Variants in NDUFS6 observed in about 807,000 individuals in gnomAD.
NDUFS6 encodes NADH dehydrogenase [ubiquinone] iron-sulfur protein 6, mitochondrial.
NDUFS6 carries 14 observed loss-of-function variants against 13.2 expected under a neutral mutation model. The observed-to-expected ratio is 1.06, with a 90% CI of 0.70 to 1.66. The LOEUF (loss-of-function observed/expected upper bound fraction) is 1.66, where lower values mean the gene tolerates loss of function less well. NDUFS6 is among the 40% of genes most tolerant of loss of function. The pLI is 0.00. For missense variants in NDUFS6, 206 were observed against 170.8 expected, an observed-to-expected ratio of 1.21 and a Z score of -1.15; for synonymous variants, 95 against 72.3, an observed-to-expected ratio of 1.31 and a Z score of -1.60.
intron 2 of NDUFS6, among the ~76,000 whole-genome samples, chr5:1,805,535 C>T (rs555891103): frequency 1.3e-4 from 20 of 152,140 alleles, no homozygotes; most frequent in Non-Finnish European, 2.1e-4. Context: ...AGACTCCTCA[C>T]GTGCTAAAGA....
chr5:1,807,776 G>A (rs550325089), intron 2 of NDUFS6, among the ~76,000 whole-genome samples: 1 of 152,364 alleles, frequency 6.6e-6, no homozygotes, highest in South Asian at 2.1e-4. Flanking sequence ...AACCATGTTG[G>A]CTCTCGTGCG....
intron 1 of NDUFS6, chr5:1,802,108 T>G: frequency 1.7e-6 from 1 of 572,494 alleles, no homozygotes; most frequent in Non-Finnish European, 3.1e-6. Flanking sequence ...TATGTCTCTG[T>G]GCTGCTCTCT....
chr5:1,812,648 A>G (rs533449046), intron 2 of NDUFS6, among the ~76,000 whole-genome samples: 3 of 151,002 alleles, frequency 2.0e-5, no homozygotes, highest in African/African-American at 7.3e-5. Flanking sequence ...TCATTTTTGA[A>G]AGAATCCAGT....
chr5:1,801,699 A>G, intron 1 of NDUFS6, 150 bp downstream of exon 1: 1 of 1,260,616 alleles, frequency 7.9e-7, no homozygotes, highest in Non-Finnish European at 1.1e-6. Context: ...GCCGGGGAGG[A>G]CGCCCGCGAG....
chr5:1,814,970 G>C lies in NDUFS6; in HGVS notation c.309+509G>C, dbSNP rs546394798. 6.6e-6 allele frequency among the ~76,000 whole-genome samples: 1 copy of C among 152,094 alleles called. No homozygotes were observed. Among genetic ancestry groups the C allele is most frequent in the Non-Finnish European group, 1.5e-5 (1 of 68,006 alleles). ...TCCCCTCTTCTTATAAGGGCACCAG[G>C]CAGATTGGCTCAGGGCCCCTATGTG... On this transcript the variant is annotated intron_variant, in intron 3 of 3. Coordinates refer to ENST00000274137, the MANE Select transcript of NDUFS6 (RefSeq NM_004553.6). This position sits in a 1 kb window ranked among gnomAD's most constrained non-coding sequence, Gnocchi z 4.9.
In NDUFS6 at chr5:1,814,495, C is replaced by G. The variant is rs1336274645; in HGVS notation, c.309+34C>G. 6.2e-7 allele frequency: 1 copy of G among 1,614,048 alleles called. No homozygotes were observed. The highest frequency in any genetic ancestry group is 1.7e-5 in the Admixed American group (1 of 60,014). ...CTGGCCACCTGTGCACATGTTAGGG[C>G]AGCCTGCTCGTCCTCATACTCCCCT... On this transcript the variant is annotated intron_variant, in intron 3 of 3. Transcript: ENST00000274137. This position sits in a 1 kb window ranked among gnomAD's most constrained non-coding sequence, Gnocchi z 4.9.
rs530641191 is a variant in NDUFS6, at chr5:1,814,949, C to T, written c.309+488C>T. 3.5e-3 allele frequency among the ~76,000 whole-genome samples: 537 copies of T among 152,284 alleles called. 1 individual carries two copies. Among genetic ancestry groups the T allele is most frequent in the Non-Finnish European group, 6.1e-3 (414 of 68,034 alleles). On this transcript the variant is annotated intron_variant, in intron 3 of 3. Transcript: ENST00000274137. This position sits in a 1 kb window ranked among gnomAD's most constrained non-coding sequence, Gnocchi z 4.9. ...CCCTCTGTGGGAGACTCCTCATCCC[C>T]TCTTCTTATAAGGGCACCAGGCAGA...
intron 2 of NDUFS6, among the ~76,000 whole-genome samples, chr5:1,811,356 A>G (rs532242473): frequency 3.9e-5 from 6 of 152,314 alleles, no homozygotes; most frequent in African/African-American, 1.4e-4. Flanking sequence ...ACAGGGAAGT[A>G]AAAAAAAAAC....
At position 1,807,679 on chromosome 5, in the gene NDUFS6, C is replaced by T. The variant is rs528028021; in HGVS notation, c.186+5305C>T. On this transcript the variant is annotated intron_variant, in intron 2 of 3. Transcript: ENST00000274137. Reference sequence around the variant, plus strand: ...AACTTGTGTTATCACCCAGGACAAGCGCACTCCTCGGATCAGCAGTGGAAG... The same window carrying T: ...AACTTGTGTTATCACCCAGGACAAGTGCACTCCTCGGATCAGCAGTGGAAG... 3.0e-4 allele frequency among the ~76,000 whole-genome samples: 45 copies of T among 152,328 alleles called. 1 individual carries two copies. In the South Asian group the frequency reaches 6.8e-3, roughly 23 times the overall value.
chr5:1,812,623 T>G (rs979240111), intron 2 of NDUFS6, among the ~76,000 whole-genome samples: 1 of 150,420 alleles, frequency 6.6e-6, no homozygotes, highest in African/African-American at 2.4e-5. Context: ...TTTCCTGTCC[T>G]GGACCCAGAA....
At chr5:1,802,428 C>A in intron 2 of NDUFS6, 54 bp downstream of exon 2, 3 of 1,413,284 alleles carry the variant, frequency 2.1e-6, no homozygotes, top group Non-Finnish European at 3.0e-6. Context: ...TTTTATGTAA[C>A]CAACAAGAAA....
intron 2 of NDUFS6, among the ~76,000 whole-genome samples, chr5:1,806,989 G>A (rs949915817): frequency 7.2e-5 from 11 of 152,300 alleles, no homozygotes; most frequent in East Asian, 5.8e-4. Flanking sequence ...CGCTTGACAC[G>A]CCCCACAACA....
intron 1 of NDUFS6, 71 bp downstream of exon 1, chr5:1,801,620 C>T: frequency 1.3e-6 from 2 of 1,514,622 alleles, no homozygotes; most frequent in South Asian, 2.4e-5. Context: ...AGTGGGCTCG[C>T]CGGGCATCCG....
chr5:1,807,215 C>T (rs1734141253), intron 2 of NDUFS6, among the ~76,000 whole-genome samples: 1 of 38,922 alleles, frequency 2.6e-5, no homozygotes, highest in Non-Finnish European at 5.4e-5. Flanking sequence ...CTGTGTGATT[C>T]CTCTGATACG....
chr5:1,803,736 A>G (rs1034926574), intron 2 of NDUFS6, among the ~76,000 whole-genome samples: 3 of 152,224 alleles, frequency 2.0e-5, no homozygotes, highest in African/African-American at 7.2e-5. Context: ...CATGTGCCAC[A>G]TTCTCCAATG....
chr5:1,803,714 A>G (rs1734083657), intron 2 of NDUFS6, among the ~76,000 whole-genome samples: 1 of 152,212 alleles, frequency 6.6e-6, no homozygotes, highest in Non-Finnish European at 1.5e-5. Context: ...TTCCCAGTAG[A>G]AGCATCTGTT....
intron 2 of NDUFS6, among the ~76,000 whole-genome samples, chr5:1,806,322 G>A (rs2111351482): frequency 6.6e-6 from 1 of 152,272 alleles, no homozygotes; most frequent in East Asian, 1.9e-4. Context: ...CGGCAGGGCG[G>A]AGTCACTCCC....
At chr5:1,804,320 G>A (rs985700727) in intron 2 of NDUFS6, among the ~76,000 whole-genome samples, 1 of 152,240 alleles carries the variant, frequency 6.6e-6, no homozygotes, top group Non-Finnish European at 1.5e-5. Context: ...CATTCTTTGT[G>A]TAGCTTCTGG....
At chr5:1,802,469 T>G in intron 2 of NDUFS6, 95 bp downstream of exon 2, 5 of 1,024,970 alleles carry the variant, frequency 4.9e-6, no homozygotes, top group Non-Finnish European at 7.2e-6. Flanking sequence ...TTAAATAAAT[T>G]TTCCCCATAT....
Sources: allele counts gnomAD v4.1 joint callset (sites outside exome capture counted in the v4.1 genomes callset), GRCh38; gene constraint gnomAD v4.1.1; non-coding constraint Gnocchi (gnomAD v3.1); transcripts MANE v1.5; gene names NCBI Gene and HGNC (gene_info 2026-07-23, HGNC 2026-07-21).